Variants in NEK10 observed in about 807,000 individuals in gnomAD.
NEK10 encodes serine/threonine-protein kinase Nek10.
In NEK10, 122 loss-of-function variants were observed where a neutral mutation model predicts 159.8. That is an observed-to-expected ratio of 0.76 (90% CI 0.66 to 0.89). The LOEUF (loss-of-function observed/expected upper bound fraction) is 0.89, where lower values mean the gene tolerates loss of function less well. NEK10 is among the 40% of genes least tolerant of loss of function. NEK10 has a pLI of 0.00. For missense variants in NEK10, 1,342 were observed against 1,323.1 expected, an observed-to-expected ratio of 1.01 and a Z score of -0.22; for synonymous variants, 466 against 457.1, an observed-to-expected ratio of 1.02 and a Z score of -0.25.
intron 22 of NEK10, among the ~76,000 whole-genome samples, chr3:27,257,258 A>C (rs1575474716): frequency 6.6e-6 from 1 of 152,280 alleles, no homozygotes; most frequent in African/African-American, 2.4e-5. Context: ...AATGATAAAA[A>C]CAGATATTTT....
chr3:27,300,123 T>A (rs2149530375), intron 13 of NEK10, among the ~76,000 whole-genome samples: 1 of 152,260 alleles, frequency 6.6e-6, no homozygotes, highest in Middle Eastern at 3.4e-3. Context: ...CCCACCCAAA[T>A]CTCAATCTTG....
At chr3:27,143,203 T>C (rs1188038586) in intron 30 of NEK10, among the ~76,000 whole-genome samples, 3 of 152,314 alleles carry the variant, frequency 2.0e-5, no homozygotes, top group Non-Finnish European at 4.4e-5. Flanking sequence ...CCAAAACAAA[T>C]ACTAGACAGT....
At chr3:27,276,071 T>C (rs886271344) in intron 22 of NEK10, among the ~76,000 whole-genome samples, 2 of 152,122 alleles carry the variant, frequency 1.3e-5, no homozygotes, top group Admixed American at 1.3e-4. Flanking sequence ...ATCACCTCAA[T>C]CTCTGCTCCC....
intron 5 of NEK10, among the ~76,000 whole-genome samples, chr3:27,334,298 T>C (rs2149724931): frequency 6.6e-6 from 1 of 152,242 alleles, no homozygotes; most frequent in Admixed American, 6.5e-5. Flanking sequence ...ACTTGGGACT[T>C]AGAGGTTAGT....
intron 5 of NEK10, 119 bp from the exon 6 acceptor site, chr3:27,322,380 G>A: frequency 3.1e-6 from 2 of 648,232 alleles, no homozygotes; most frequent in South Asian, 1.9e-5. Context: ...AATTTGCACT[G>A]GGGACTGTTA....
intron 5 of NEK10, among the ~76,000 whole-genome samples, chr3:27,343,718 T>C (rs2047361057): frequency 6.6e-6 from 1 of 152,174 alleles, no homozygotes; most frequent in Non-Finnish European, 1.5e-5. Context: ...AAACCCCTGA[T>C]ATTTGTGAGA....
intron 23 of NEK10, chr3:27,215,017 G>A (rs549958396): frequency 2.1e-5 from 13 of 630,832 alleles, no homozygotes; most frequent in African/African-American, 1.1e-4. Flanking sequence ...CTCCAACTCC[G>A]ACCTGTTCCC....
intron 20 of NEK10, among the ~76,000 whole-genome samples, chr3:27,285,412 G>A (rs1165792682): frequency 6.6e-6 from 1 of 151,742 alleles, no homozygotes; most frequent in East Asian, 1.9e-4. Context: ...TTCATAGTCT[G>A]ATAGATTTAC....
chr3:27,300,001 T>C (rs1356795828), intron 13 of NEK10, among the ~76,000 whole-genome samples: 1 of 152,218 alleles, frequency 6.6e-6, no homozygotes, highest in Admixed American at 6.5e-5. Flanking sequence ...GAGTTAATGC[T>C]GAAATGAGTT....
At chr3:27,204,296 T>TTTTTTTTTTTC (rs1950307697) in intron 23 of NEK10, among the ~76,000 whole-genome samples, 1 of 71,604 alleles carries the variant, frequency 1.4e-5, no homozygotes, top group Non-Finnish European at 2.5e-5. Context: ...TTTTTTTTTG[T>TTTTTTTTTTTC]TGTTGTTTTT....
At chr3:27,158,419 A>C (rs1222468083) in intron 30 of NEK10, among the ~76,000 whole-genome samples, 1 of 152,212 alleles carries the variant, frequency 6.6e-6, no homozygotes, top group African/African-American at 2.4e-5. Context: ...TAAACTACTA[A>C]AAGTTGTTCG....
chr3:27,158,160 A>G (rs1311203240), intron 30 of NEK10, among the ~76,000 whole-genome samples: 1 of 152,178 alleles, frequency 6.6e-6, no homozygotes, highest in African/African-American at 2.4e-5. Flanking sequence ...TCAAAGTTGC[A>G]ATGAAGGTGC....
chr3:27,267,394 A>C (rs1322220382), intron 22 of NEK10, among the ~76,000 whole-genome samples: 1 of 152,144 alleles, frequency 6.6e-6, no homozygotes, highest in Non-Finnish European at 1.5e-5. Flanking sequence ...CAAATATTGC[A>C]TTCTTTTTTA....
intron 25 of NEK10, among the ~76,000 whole-genome samples, chr3:27,197,809 T>A (rs77982955): frequency 2.9e-4 from 43 of 145,962 alleles, no homozygotes; most frequent in African/African-American, 1.1e-3. Context: ...TTTTTTTTTT[T>A]ATTATACTTC....
At chr3:27,136,269 C>T (rs571999555) in intron 31 of NEK10, among the ~76,000 whole-genome samples, 67 of 151,866 alleles carry the variant, frequency 4.4e-4, no homozygotes, top group African/African-American at 1.3e-3. Flanking sequence ...CCCACCACCA[C>T]GCCCGGCTAA....
chr3:27,348,841 G>A (rs140328161), intron 3 of NEK10, among the ~76,000 whole-genome samples: 80 of 152,250 alleles, frequency 5.3e-4, no homozygotes, highest in African/African-American at 1.9e-3. Context: ...TCACAGAGCT[G>A]GGCATATTGT....
chr3:27,352,393 T>C (rs2048030427), intron 3 of NEK10, 72 bp downstream of exon 3: 3 of 942,406 alleles, frequency 3.2e-6, no homozygotes, highest in South Asian at 1.3e-5. Context: ...TTCATAGATA[T>C]GTTAAATGGA....
chr3:27,337,123 G>A (rs1158211122), intron 5 of NEK10, among the ~76,000 whole-genome samples: 1 of 152,060 alleles, frequency 6.6e-6, no homozygotes, highest in Non-Finnish European at 1.5e-5. Flanking sequence ...ATTCAGTAAA[G>A]TTGCAGGATA....
At chr3:27,189,963 C>A (rs1023456231) in intron 26 of NEK10, among the ~76,000 whole-genome samples, 1 of 152,066 alleles carries the variant, frequency 6.6e-6, no homozygotes, top group Admixed American at 6.6e-5. Context: ...AACTGTATGC[C>A]TGACATAAGG....
Sources: allele counts gnomAD v4.1 joint callset (sites outside exome capture counted in the v4.1 genomes callset), GRCh38; gene constraint gnomAD v4.1.1; transcripts MANE v1.5; gene names NCBI Gene and HGNC (gene_info 2026-07-23, HGNC 2026-07-21).